The following CACNG5 variants were observed in gnomAD, a reference collection of about 807,000 sequenced individuals.
The protein encoded by CACNG5 is voltage-dependent calcium channel gamma-5 subunit.
A neutral mutation model predicts 24.8 loss-of-function variants in CACNG5; 18 were observed. The observed-to-expected ratio is 0.73, with a 90% CI of 0.50 to 1.08. The LOEUF is 1.08. Ranked by LOEUF, CACNG5 falls within the 50% of genes least tolerant of loss-of-function variation. The pLI is 0.00. For synonymous variants in CACNG5, 157 were observed against 149.1 expected (o/e 1.05, Z -0.39); for missense variants, 349 against 367.9 (o/e 0.95, Z 0.42).
chr17:66,857,077 T>TG (rs1976790578), intron 1 of CACNG5, among the ~76,000 whole-genome samples: 1 of 139,862 alleles, frequency 7.1e-6, no homozygotes, highest in Non-Finnish European at 1.6e-5. Context: ...TTTTTTTTTT[T>TG]TTTTTTTTTT....
intron 3 of CACNG5, among the ~76,000 whole-genome samples, 157 bp downstream of exon 3, chr17:66,879,215 A>C (rs116747127): frequency 4.7e-4 from 72 of 152,296 alleles, no homozygotes; most frequent in African/African-American, 1.6e-3. Context: ...ACTAGAGCTT[A>C]ATTTTCCAGT....
chr17:66,839,801 C>T (rs1294976467), intron 1 of CACNG5, among the ~76,000 whole-genome samples: 1 of 152,084 alleles, frequency 6.6e-6, no homozygotes, highest in Non-Finnish European at 1.5e-5. Context: ...TCACTACCTG[C>T]TAGGCACAAA....
At chr17:66,837,118 A>G (rs1351105352) in intron 1 of CACNG5, among the ~76,000 whole-genome samples, 1 of 152,240 alleles carries the variant, frequency 6.6e-6, no homozygotes, top group Non-Finnish European at 1.5e-5. Context: ...AAGTAAGGTC[A>G]TGAATGAATG....
rs1426986599 is a variant in CACNG5 at position 66,891,842 on chromosome 17, C to T, written c.*6602C>T. On this transcript the variant is annotated 3_prime_UTR_variant, in exon 6 of 6. Transcript: ENST00000533854. ...GGCTTTGACTAGTAAGTTATTCTCCCAGCCTGGAGATTCTGAAGTTACTCT... is the reference window on the plus strand; with the variant it reads ...GGCTTTGACTAGTAAGTTATTCTCCTAGCCTGGAGATTCTGAAGTTACTCT... 6.6e-6 allele frequency among the ~76,000 whole-genome samples: 1 copy of T among 152,222 alleles called. No homozygotes were observed. Among genetic ancestry groups the T allele is most frequent in the Non-Finnish European group, 1.5e-5 (1 of 68,042 alleles).
rs76629341 is a variant in CACNG5 at position 66,885,313 on chromosome 17, G to C, written c.*73G>C. The stretch of plus-strand genomic sequence containing the variant: ...CCTGTTCTCTCCAGGTGACCCCTGA[G>C]CCCCAGGCCTGTGGTTGACAGGCCC... On this transcript the variant is annotated 3_prime_UTR_variant, in exon 6 of 6. Transcript: ENST00000533854. 3.0e-3 allele frequency: 4,524 copies of C among 1,499,130 alleles called. 125 individuals are homozygous for C. In the African/African-American group the frequency reaches 0.054, roughly 18 times the overall value. The allele number at this position is 1,499,130 out of a possible 1,614,324, so 92.9% of individuals were successfully genotyped here. A position where few individuals can be genotyped will look rare whatever the true frequency, so the allele number is the denominator to read the frequency against.
chr17:66,862,688 G>A (rs1227804105), intron 1 of CACNG5, among the ~76,000 whole-genome samples: 4 of 125,326 alleles, frequency 3.2e-5, no homozygotes, highest in East Asian at 2.3e-4. Context: ...GGTCATTGAA[G>A]CAGCAGAGAT....
intron 1 of CACNG5, among the ~76,000 whole-genome samples, chr17:66,860,013 G>C (rs1186847673): frequency 6.6e-6 from 1 of 152,168 alleles, no homozygotes; most frequent in Non-Finnish European, 1.5e-5. Flanking sequence ...TCTTAGGCAA[G>C]AAGCTGATAC....
Position 66,885,371 on chromosome 17 carries a change from C to T in CACNG5, c.*131C>T. On this transcript the variant is annotated 3_prime_UTR_variant, in exon 6 of 6. Transcript: ENST00000533854. ...CCATGCTTAGCTGTTGTCACTTGAC[C>T]CCAGTCCTCTCCCTGCTTCTCCAGA... 8.9e-7 allele frequency: 1 copy of T among 1,121,466 alleles called. No homozygotes were observed. The highest frequency in any genetic ancestry group is 1.2e-6 in the Non-Finnish European group (1 of 800,276). The allele number at this position is 1,121,466 out of a possible 1,614,324, so 69.5% of individuals were successfully genotyped here. A position where few individuals can be genotyped will look rare whatever the true frequency, so the allele number is the denominator to read the frequency against.
At chr17:66,868,600 G>A (rs1032239689) in intron 1 of CACNG5, among the ~76,000 whole-genome samples, 3 of 152,248 alleles carry the variant, frequency 2.0e-5, no homozygotes, top group South Asian at 2.1e-4. Context: ...GGGGGCCAGT[G>A]TCTCTAACTA....
intron 1 of CACNG5, among the ~76,000 whole-genome samples, chr17:66,857,114 G>T (rs1976791852): frequency 1.6e-5 from 2 of 123,336 alleles, no homozygotes; most frequent in Non-Finnish European, 1.6e-5. Context: ...CTGTCACCCA[G>T]GCTGGAGTGC....
At chr17:66,840,002 C>G (rs576751447) in intron 1 of CACNG5, among the ~76,000 whole-genome samples, 1 of 152,354 alleles carries the variant, frequency 6.6e-6, no homozygotes, top group African/African-American at 2.4e-5. Context: ...CGGAGCCACA[C>G]AGAACTGAGT....
At chr17:66,875,041 G>T (rs892025562) in intron 1 of CACNG5, among the ~76,000 whole-genome samples, 1 of 152,134 alleles carries the variant, frequency 6.6e-6, no homozygotes, top group Non-Finnish European at 1.5e-5. Flanking sequence ...GCTAGGAGTT[G>T]GCTTCTCTTC....
Position 66,879,021 on chromosome 17 carries a change from C to T in CACNG5, c.246C>T (p.Asn82=). 2 of 1,614,030 alleles carry T rather than the reference C, an allele frequency of 1.2e-6. No homozygotes were observed. Among genetic ancestry groups the T allele is most frequent in the South Asian group, 1.1e-5 (1 of 91,044 alleles). The change falls in exon 3 of 6, where the codon AAC becomes AAT. Residue 82 remains asparagine, a synonymous_variant. Transcript: ENST00000533854. The part of the protein sequence containing the change: ...CFTIEYVMPM[N]TQLTSESTVN... ...CCATAGAATATGTGATGCCCATGAA[C>T]ACCCAGCTGACATCCGAGTCCACGG... is the stretch of plus-strand genomic sequence containing the variant.
chr17:66,841,366 G>A (rs1224205601), intron 1 of CACNG5, among the ~76,000 whole-genome samples: 1 of 152,230 alleles, frequency 6.6e-6, no homozygotes, highest in African/African-American at 2.4e-5. Context: ...GCCTTAAGCA[G>A]TTCCCAGCTT....
At chr17:66,852,643 A>G (rs1976721115) in intron 1 of CACNG5, among the ~76,000 whole-genome samples, 1 of 152,202 alleles carries the variant, frequency 6.6e-6, no homozygotes, top group Admixed American at 6.5e-5. Context: ...TAAATGTGTA[A>G]TCATGATAAT....
chr17:66,836,951 C>T (rs928857801), intron 1 of CACNG5, among the ~76,000 whole-genome samples: 2 of 152,212 alleles, frequency 1.3e-5, no homozygotes, highest in Non-Finnish European at 1.5e-5. Context: ...GAATTGTTCA[C>T]GCTTGTTTGG....
At chr17:66,865,545 G>C (rs1465498325) in intron 1 of CACNG5, among the ~76,000 whole-genome samples, 2 of 151,876 alleles carry the variant, frequency 1.3e-5, no homozygotes, top group African/African-American at 4.8e-5. Flanking sequence ...AATTCTCTCT[G>C]TCTATGTAGC....
chr17:66,848,157 T>C (rs1976663437), intron 1 of CACNG5, among the ~76,000 whole-genome samples: 1 of 152,206 alleles, frequency 6.6e-6, no homozygotes, highest in African/African-American at 2.4e-5. Context: ...TTGATCTTTT[T>C]TCTGAATCTG....
In CACNG5 at chr17:66,892,756, T is replaced by C. The variant is rs552287106; in HGVS notation, c.*7516T>C. 6.6e-6 allele frequency among the ~76,000 whole-genome samples: 1 copy of C among 152,222 alleles called. No individual in the cohort carries two copies. Among genetic ancestry groups the C allele is most frequent in the East Asian group, 1.9e-4 (1 of 5,200 alleles). ...GACTAAGTTATTTTCATTAACAAAA[T>C]GGTGAAGAGACTAAATTAAACCACA... On this transcript the variant is annotated 3_prime_UTR_variant, in exon 6 of 6. Transcript: ENST00000533854.
Sources: allele counts gnomAD v4.1 joint callset (sites outside exome capture counted in the v4.1 genomes callset), GRCh38; gene constraint gnomAD v4.1.1; transcripts MANE v1.5; gene names NCBI Gene and HGNC (gene_info 2026-07-23, HGNC 2026-07-21).